Variants in KDM3B observed in about 807,000 individuals in gnomAD.
The protein encoded by KDM3B is lysine demethylase 3B.
In KDM3B, 10 loss-of-function variants were observed where a neutral mutation model predicts 170.0. That is an observed-to-expected ratio of 0.06 (90% CI 0.04 to 0.10). The LOEUF (loss-of-function observed/expected upper bound fraction) is 0.10, where lower values mean the gene tolerates loss of function less well. Ranked by LOEUF, KDM3B falls within the 10% of genes least tolerant of loss-of-function variation. KDM3B has a pLI of 1.00. For missense variants in KDM3B, 1,394 were observed against 2,195.2 expected, an observed-to-expected ratio of 0.64 and a Z score of 7.29; for synonymous variants, 831 against 834.8, an observed-to-expected ratio of 1.00 and a Z score of 0.08.
chr5:138,353,040 C>T, intron 1 of KDM3B, 53 bp downstream of exon 1: 1 of 851,668 alleles, frequency 1.2e-6, no homozygotes, highest in Non-Finnish European at 1.4e-6. Context: ...GGCCTGCGGG[C>T]GGCCTCCCCG....
intron 7 of KDM3B, among the ~76,000 whole-genome samples, chr5:138,389,329 C>A (rs1580906193): frequency 1.3e-5 from 2 of 152,168 alleles, no homozygotes; most frequent in Non-Finnish European, 2.9e-5. Context: ...CTATGCTACT[C>A]CTCAAGGAAA....
intron 11 of KDM3B, among the ~76,000 whole-genome samples, chr5:138,405,963 T>C (rs778637239): frequency 6.6e-6 from 1 of 152,042 alleles, no homozygotes; most frequent in Non-Finnish European, 1.5e-5. Flanking sequence ...AACAAAGAAA[T>C]ATAGCTAGTA....
chr5:138,406,253 G>A (rs776057840), intron 11 of KDM3B, among the ~76,000 whole-genome samples: 31 of 152,204 alleles, frequency 2.0e-4, no homozygotes, highest in Non-Finnish European at 3.8e-4. Context: ...GCTGATGGGA[G>A]AGGATCACCT....
At chr5:138,401,002 A>G (rs531140525) in intron 11 of KDM3B, among the ~76,000 whole-genome samples, 1 of 151,928 alleles carries the variant, frequency 6.6e-6, no homozygotes, top group African/African-American at 2.4e-5. Flanking sequence ...GCCAGGCGCC[A>G]TGGCTCACGC....
chr5:138,434,381 C>T (rs1763620276), intron 23 of KDM3B, among the ~76,000 whole-genome samples: 1 of 152,112 alleles, frequency 6.6e-6, no homozygotes, highest in Non-Finnish European at 1.5e-5. Context: ...AACCCCGTCT[C>T]TACTAAAAAT....
Position 138,391,138 on chromosome 5 carries a change from T to C in KDM3B, c.1506T>C (p.Pro502=). The C allele has an allele frequency of 6.2e-7, 1 of 1,614,196 alleles. No homozygotes were observed. Among genetic ancestry groups the C allele is most frequent in the African/African-American group, 1.3e-5 (1 of 75,058 alleles). The change falls in exon 8 of 24, where the codon CCT becomes CCC. Residue 502 remains proline (P), a synonymous_variant. Transcript: ENST00000314358. This position sits in a 1 kb window ranked among gnomAD's most constrained non-coding sequence, Gnocchi z 5.0. ...SNGVLATENK[P]LGFSFGCSSA... is the part of the protein sequence containing the mutation. ...GTGTTCTAGCCACAGAGAACAAACCTTTGGGCTTCTCTTTTGGCTGTAGCT... is the reference window on the plus strand; with the variant it reads ...GTGTTCTAGCCACAGAGAACAAACCCTTGGGCTTCTCTTTTGGCTGTAGCT...
chr5:138,353,284 C>T (rs991673090), intron 1 of KDM3B, among the ~76,000 whole-genome samples: 1 of 152,256 alleles, frequency 6.6e-6, no homozygotes, highest in African/African-American at 2.4e-5. Context: ...CCCCAACACG[C>T]CTTCGGAGCA....
At chr5:138,400,593 A>T (rs1213938805) in intron 11 of KDM3B, among the ~76,000 whole-genome samples, 1 of 152,092 alleles carries the variant, frequency 6.6e-6, no homozygotes, top group Admixed American at 6.5e-5. Context: ...AAAATAAAAT[A>T]AAATTAGCTA....
chr5:138,384,671 G>A (rs1309495050), intron 6 of KDM3B, among the ~76,000 whole-genome samples: 8 of 151,390 alleles, frequency 5.3e-5, no homozygotes, highest in African/African-American at 1.9e-4. Context: ...CCTAGGAGGC[G>A]GAGGTTGTCA....
Position 138,357,620 on chromosome 5 carries a change from A to T in KDM3B, c.192+4633A>T, listed in dbSNP as rs140148559. 8.5e-3 allele frequency among the ~76,000 whole-genome samples: 1,294 copies of T among 152,304 alleles called. 18 individuals are homozygous for T. Among genetic ancestry groups the T allele is most frequent in the African/African-American group, 0.029 (1,209 of 41,554 alleles). On this transcript the variant is annotated intron_variant, in intron 1 of 23. Coordinates refer to ENST00000314358, the MANE Select transcript of KDM3B (RefSeq NM_016604.4). ...AGCAATCTGCCTGACTTGGCCTCCC[A>T]AAGTGTTGGGATTACAGGCGTGAGC... is the stretch of plus-strand genomic sequence containing the variant.
chr5:138,406,830 G>T (rs761956545), intron 11 of KDM3B, among the ~76,000 whole-genome samples: 2 of 151,894 alleles, frequency 1.3e-5, no homozygotes, highest in Non-Finnish European at 2.9e-5. Flanking sequence ...TTAGGTGGGA[G>T]GATCACTTGA....
chr5:138,411,388 TATTC>T (rs1259781402), intron 11 of KDM3B, among the ~76,000 whole-genome samples: 1 of 152,246 alleles, frequency 6.6e-6, no homozygotes, highest in South Asian at 2.1e-4. Context: ...TGATTAATGA[TATTC>T]ATATATAATC....
At chr5:138,382,869 C>T (rs1252888078) in intron 6 of KDM3B, among the ~76,000 whole-genome samples, 2 of 152,130 alleles carry the variant, frequency 1.3e-5, no homozygotes, top group East Asian at 1.9e-4. Context: ...CCAAAAACAC[C>T]TGCTACTTTG....
intron 1 of KDM3B, among the ~76,000 whole-genome samples, chr5:138,366,852 C>T (rs1295107908): frequency 6.6e-6 from 1 of 152,136 alleles, no homozygotes; most frequent in African/African-American, 2.4e-5. Context: ...TATAAACAAA[C>T]GAAAGAACAC....
rs532161263 is a variant in KDM3B at position 138,389,982 on chromosome 5, T to C, written c.1381-1031T>C. Among the ~76,000 whole-genome samples the C allele has an allele frequency of 3.3e-5, 5 of 151,956 alleles. No homozygotes were observed. In the South Asian group the frequency reaches 1.0e-3, roughly 32 times the overall value. On this transcript the variant is annotated intron_variant, in intron 7 of 23. Coordinates refer to ENST00000314358, the MANE Select transcript of KDM3B (RefSeq NM_016604.4). ...TCAAGCAATTCTCCTGCCTCAGCCTTCCGAGTAGCTGGGACTACAGGCACG... is the reference window on the plus strand; with the variant it reads ...TCAAGCAATTCTCCTGCCTCAGCCTCCCGAGTAGCTGGGACTACAGGCACG...
intron 21 of KDM3B, 112 bp downstream of exon 21, chr5:138,430,077 CCAT>C: frequency 7.0e-7 from 1 of 1,420,118 alleles, no homozygotes; most frequent in Non-Finnish European, 9.6e-7. Context: ...GACTTGTTGG[CCAT>C]GATACCTCTG....
chr5:138,358,116 G>A (rs1761499831), intron 1 of KDM3B, among the ~76,000 whole-genome samples: 1 of 150,918 alleles, frequency 6.6e-6, no homozygotes, highest in Non-Finnish European at 1.5e-5. Context: ...TCCTGCCTCA[G>A]CCTCGCAAGT....
Position 138,430,492 on chromosome 5 carries a change from A to T in KDM3B, c.5070+67A>T, listed in dbSNP as rs1388142961. ...CTTTCTTATTTCTGCTTTTCTTGCT[A>T]ATCTACCAAGAGATTTAAGTAGCTG... On this transcript the variant is annotated intron_variant, in intron 22 of 23. Transcript: ENST00000314358. The T allele has an allele frequency of 4.2e-6, 6 of 1,429,998 alleles. No homozygotes were observed. In the Admixed American group the frequency reaches 1.1e-4, roughly 27 times the overall value. The allele number at this position is 1,429,998 out of a possible 1,614,324, so 88.6% of individuals were successfully genotyped here.
chr5:138,372,638 A>G lies in KDM3B; in HGVS notation c.193-36A>G, dbSNP rs1761902264. 3.8e-6 allele frequency: 6 copies of G among 1,584,554 alleles called. No individual in the cohort carries two copies. In the East Asian group the frequency reaches 1.4e-4, roughly 36 times the overall value. Reference sequence around the variant, plus strand: ...TATAAGTATAGTGTGAGATTTTTCCAAGTGTGACTTCCAAACTGCTTTTTA... The same window carrying G: ...TATAAGTATAGTGTGAGATTTTTCCGAGTGTGACTTCCAAACTGCTTTTTA... On this transcript the variant is annotated intron_variant, in intron 1 of 23. Transcript: ENST00000314358.
Sources: gnomAD v4.1 joint callset for allele counts (sites outside exome capture counted in the v4.1 genomes callset) on GRCh38, gnomAD v4.1.1 for gene constraint, Gnocchi (gnomAD v3.1) non-coding constraint, MANE v1.5 for transcripts, NCBI Gene and HGNC (gene_info 2026-07-23, HGNC 2026-07-21) for gene names.